SRBD1: variants seen among roughly 807,000 people sequenced by gnomAD.
SRBD1 encodes the protein S1 RNA binding domain 1.
SRBD1 carries 88 observed loss-of-function variants against 115.3 expected under a neutral mutation model. The ratio of observed to expected loss-of-function variants is 0.76; its 90% CI spans 0.64 to 0.91. The LOEUF is 0.91. Ranked by LOEUF, SRBD1 falls within the 40% of genes least tolerant of loss-of-function variation. The pLI, the probability that SRBD1 is intolerant of heterozygous loss-of-function variation, is 0.00. For synonymous variants in SRBD1, 509 were observed against 407.7 expected (o/e 1.25, Z -2.99); for missense variants, 1,385 against 1,177.4 (o/e 1.18, Z -2.58).
At chr2:45,414,409 T>G (rs1042024056) in intron 18 of SRBD1, among the ~76,000 whole-genome samples, 4 of 149,286 alleles carry the variant, frequency 2.7e-5, no homozygotes, top group Admixed American at 6.7e-5. Flanking sequence ...ATATACATTA[T>G]GTGTATATAC....
At chr2:45,531,274 A>T (rs1671603493) in intron 14 of SRBD1, among the ~76,000 whole-genome samples, 1 of 151,926 alleles carries the variant, frequency 6.6e-6, no homozygotes, top group African/African-American at 2.4e-5. Flanking sequence ...TACTCACCGT[A>T]TATAAATAAA....
intron 5 of SRBD1, among the ~76,000 whole-genome samples, chr2:45,583,061 T>C (rs922203980): frequency 6.6e-6 from 1 of 152,214 alleles, no homozygotes; most frequent in African/African-American, 2.4e-5. Context: ...ATCCTGTTGT[T>C]ACAGTTAATG....
intron 16 of SRBD1, among the ~76,000 whole-genome samples, chr2:45,428,602 G>A (rs1436189937): frequency 1.3e-5 from 2 of 151,040 alleles, no homozygotes; most frequent in Non-Finnish European, 2.9e-5. Flanking sequence ...AAATAAATAA[G>A]TTCTTTGAAA....
chr2:45,482,587 T>C (rs1181421774), intron 15 of SRBD1, among the ~76,000 whole-genome samples: 1 of 149,196 alleles, frequency 6.7e-6, no homozygotes, highest in Non-Finnish European at 1.5e-5. Flanking sequence ...CATCAAATCA[T>C]GGAGAAAAAC....
At chr2:45,525,938 T>C (rs1671426584) in intron 14 of SRBD1, among the ~76,000 whole-genome samples, 1 of 151,994 alleles carries the variant, frequency 6.6e-6, no homozygotes, top group African/African-American at 2.4e-5. Flanking sequence ...TTCATACCCA[T>C]TAAGATGGTT....
At chr2:45,589,099 G>A (rs1294686266) in intron 4 of SRBD1, among the ~76,000 whole-genome samples, 2 of 152,032 alleles carry the variant, frequency 1.3e-5, no homozygotes, top group Non-Finnish European at 2.9e-5. Flanking sequence ...GGTATTTATT[G>A]TTGTCTATGC....
Position 45,547,630 on chromosome 2 carries a change from A to C in SRBD1, c.1676-18T>G. On this transcript the variant is annotated intron_variant, in intron 12 of 20. Coordinates refer to ENST00000263736, the MANE Select transcript of SRBD1 (RefSeq NM_018079.5). ...TATCTGACCTTTAAAAAATGAAAAGAATAAGCCATTTTATAAGAAATTACA... is the reference window on the plus strand; with the variant it reads ...TATCTGACCTTTAAAAAATGAAAAGCATAAGCCATTTTATAAGAAATTACA... 6.3e-7 allele frequency: 1 copy of C among 1,588,322 alleles called. No homozygotes were observed. Among genetic ancestry groups the C allele is most frequent in the South Asian group, 1.1e-5 (1 of 87,464 alleles).
At chr2:45,576,506 A>G (rs1240683620) in intron 7 of SRBD1, among the ~76,000 whole-genome samples, 1 of 152,228 alleles carries the variant, frequency 6.6e-6, no homozygotes, top group Non-Finnish European at 1.5e-5. Flanking sequence ...ATTTAAAGAA[A>G]GAAATGTGGC....
intron 14 of SRBD1, among the ~76,000 whole-genome samples, chr2:45,531,155 T>C (rs1671600070): frequency 6.6e-6 from 1 of 151,798 alleles, no homozygotes; most frequent in South Asian, 2.1e-4. Context: ...AAAAGGTCAC[T>C]ACCAAACGCC....
At chr2:45,501,776 A>G (rs1670638995) in intron 14 of SRBD1, among the ~76,000 whole-genome samples, 1 of 152,180 alleles carries the variant, frequency 6.6e-6, no homozygotes, top group African/African-American at 2.4e-5. Flanking sequence ...TGGAGTAGGT[A>G]AACAAAGCAG....
intron 16 of SRBD1, among the ~76,000 whole-genome samples, chr2:45,422,541 C>A (rs1426004957): frequency 6.6e-6 from 1 of 152,076 alleles, no homozygotes; most frequent in Non-Finnish European, 1.5e-5. Flanking sequence ...CCCTTAACAT[C>A]GAATGAACAA....
chr2:45,451,388 T>C (rs1321974335), intron 16 of SRBD1, among the ~76,000 whole-genome samples: 1 of 152,048 alleles, frequency 6.6e-6, no homozygotes, highest in African/African-American at 2.4e-5. Context: ...GTAATAAAAA[T>C]ACTGTGCATT....
At chr2:45,497,050 T>A (rs913145581) in intron 14 of SRBD1, among the ~76,000 whole-genome samples, 1 of 152,134 alleles carries the variant, frequency 6.6e-6, no homozygotes, top group Admixed American at 6.5e-5. Flanking sequence ...TAGAGTCAGA[T>A]CTTTACTTTT....
chr2:45,586,509 C>T (rs1673526802), intron 4 of SRBD1, among the ~76,000 whole-genome samples: 1 of 152,060 alleles, frequency 6.6e-6, no homozygotes, highest in South Asian at 2.1e-4. Flanking sequence ...TTGTATCATG[C>T]ACAAATACAA....
At chr2:45,451,617 C>G (rs1378536548) in intron 16 of SRBD1, among the ~76,000 whole-genome samples, 1 of 151,438 alleles carries the variant, frequency 6.6e-6, no homozygotes, top group East Asian at 1.9e-4. Flanking sequence ...AAAGATTAAT[C>G]AGAAAATAGA....
intron 19 of SRBD1, among the ~76,000 whole-genome samples, chr2:45,395,465 A>G (rs1029371601): frequency 6.6e-6 from 1 of 152,196 alleles, no homozygotes; most frequent in Admixed American, 6.5e-5. Context: ...AGATGTAACA[A>G]GAACATTTGT....
intron 16 of SRBD1, among the ~76,000 whole-genome samples, chr2:45,471,533 A>C (rs985263305): frequency 1.3e-5 from 2 of 152,160 alleles, no homozygotes; most frequent in Non-Finnish European, 2.9e-5. Context: ...GAACTAGCTA[A>C]AGGGAGAACT....
At chr2:45,556,661 C>G (rs1558476336) in intron 10 of SRBD1, among the ~76,000 whole-genome samples, 2 of 152,078 alleles carry the variant, frequency 1.3e-5, no homozygotes, top group African/African-American at 4.8e-5. Flanking sequence ...CAGGTTTTCA[C>G]CACTTTGTGC....
intron 16 of SRBD1, among the ~76,000 whole-genome samples, chr2:45,428,288 C>T (rs955629370): frequency 2.6e-5 from 4 of 152,096 alleles, no homozygotes; most frequent in Admixed American, 2.0e-4. Context: ...AATAAACTCA[C>T]GCCTGTAATC....
Sources: gnomAD v4.1 joint callset for allele counts (sites outside exome capture counted in the v4.1 genomes callset) on GRCh38, gnomAD v4.1.1 for gene constraint, MANE v1.5 for transcripts, NCBI Gene and HGNC (gene_info 2026-07-23, HGNC 2026-07-21) for gene names.